Variants in LRRC4C observed in about 807,000 individuals in gnomAD.
LRRC4C encodes the protein leucine rich repeat containing 4C.
LRRC4C carries 5 observed loss-of-function variants against 33.6 expected under a neutral mutation model. The ratio of observed to expected loss-of-function variants is 0.15; its 90% CI spans 0.08 to 0.31. The LOEUF is 0.31. LRRC4C is among the 10% of genes least tolerant of loss of function. The probability of loss-of-function intolerance (pLI) is 1.00; values close to 1 mark genes in which losing one functional copy is unlikely to be tolerated. For missense variants in LRRC4C, 560 were observed against 796.7 expected, an observed-to-expected ratio of 0.70 and a Z score of 3.58; for synonymous variants, 329 against 302.0, an observed-to-expected ratio of 1.09 and a Z score of -0.93.
At chr11:41,092,094 G>T (rs986138530) in intron 1 of LRRC4C, among the ~76,000 whole-genome samples, 1 of 152,020 alleles carries the variant, frequency 6.6e-6, no homozygotes, top group African/African-American at 2.4e-5. Flanking sequence ...CAATAAAAAC[G>T]TATTATTTGG....
intron 3 of LRRC4C, among the ~76,000 whole-genome samples, chr11:40,502,100 C>T (rs1453152714): frequency 1.3e-5 from 2 of 152,134 alleles, no homozygotes; most frequent in Non-Finnish European, 2.9e-5. Context: ...CAAGAGTCAC[C>T]TTTGCTCTAG....
intron 2 of LRRC4C, among the ~76,000 whole-genome samples, chr11:40,848,097 A>T (rs770961030): frequency 4.6e-5 from 7 of 151,258 alleles, no homozygotes; most frequent in Admixed American, 6.6e-5. Flanking sequence ...TTTTTTTTAA[A>T]AAAAGCCCCT....
intron 1 of LRRC4C, among the ~76,000 whole-genome samples, chr11:40,966,431 G>A (rs1592211114): frequency 6.6e-6 from 1 of 151,890 alleles, no homozygotes; most frequent in Non-Finnish European, 1.5e-5. Flanking sequence ...AGCTGACCAA[G>A]GCACCTATCT....
At chr11:41,373,558 T>C (rs1952829972) in intron 1 of LRRC4C, among the ~76,000 whole-genome samples, 3 of 152,182 alleles carry the variant, frequency 2.0e-5, no homozygotes, top group Non-Finnish European at 4.4e-5. Context: ...TTTGACAGGA[T>C]TGCTTCTGCA....
At chr11:40,352,542 C>T (rs932588830) in intron 3 of LRRC4C, among the ~76,000 whole-genome samples, 5 of 151,986 alleles carry the variant, frequency 3.3e-5, no homozygotes, top group African/African-American at 9.6e-5. Context: ...TCTTCTTATA[C>T]TATGTCTTGA....
chr11:41,336,150 C>A (rs1345039428), intron 1 of LRRC4C, among the ~76,000 whole-genome samples: 1 of 151,816 alleles, frequency 6.6e-6, no homozygotes, highest in Non-Finnish European at 1.5e-5. Context: ...AAATCCAACA[C>A]ATAAAACTCA....
At chr11:41,257,206 A>C (rs187498375) in intron 1 of LRRC4C, among the ~76,000 whole-genome samples, 131 of 152,162 alleles carry the variant, frequency 8.6e-4, no homozygotes, top group African/African-American at 3.1e-3. Flanking sequence ...ATCAGAGAAC[A>C]AAATAGTGTA....
At chr11:40,418,975 C>T (rs914067054) in intron 3 of LRRC4C, among the ~76,000 whole-genome samples, 3 of 151,858 alleles carry the variant, frequency 2.0e-5, no homozygotes, top group Admixed American at 6.6e-5. Flanking sequence ...GCCTGGTGGT[C>T]GGGGGATAGG....
At chr11:40,218,568 G>C (rs1370492821) in intron 5 of LRRC4C, among the ~76,000 whole-genome samples, 4 of 151,170 alleles carry the variant, frequency 2.6e-5, no homozygotes, top group Non-Finnish European at 5.9e-5. Context: ...TGAAACTTGA[G>C]ATGAAGAATC....
At chr11:41,191,189 A>C (rs1945928944) in intron 1 of LRRC4C, among the ~76,000 whole-genome samples, 1 of 152,064 alleles carries the variant, frequency 6.6e-6, no homozygotes, top group Non-Finnish European at 1.5e-5. Context: ...TTCTATTTTG[A>C]ATTAGGGCAG....
intron 3 of LRRC4C, among the ~76,000 whole-genome samples, chr11:40,550,030 T>C (rs1332320817): frequency 6.6e-6 from 1 of 152,110 alleles, no homozygotes; most frequent in African/African-American, 2.4e-5. Flanking sequence ...TAATATCATC[T>C]TCACCTCATG....
intron 1 of LRRC4C, among the ~76,000 whole-genome samples, chr11:41,233,424 A>C (rs1947886169): frequency 6.6e-6 from 1 of 152,058 alleles, no homozygotes; most frequent in East Asian, 1.9e-4. Context: ...GATTTTAGTC[A>C]TAAAAACTCT....
chr11:40,338,554 A>G (rs1946731574), intron 3 of LRRC4C, among the ~76,000 whole-genome samples: 1 of 152,226 alleles, frequency 6.6e-6, no homozygotes, highest in Non-Finnish European at 1.5e-5. Flanking sequence ...GCAGCAATCT[A>G]TATCACCAAA....
Position 40,610,864 on chromosome 11 carries a change from G to T in LRRC4C, c.-270+37278C>A, listed in dbSNP as rs1961145503. On this transcript the variant is annotated intron_variant, in intron 3 of 6. Coordinates refer to ENST00000528697, the MANE Select transcript of LRRC4C (RefSeq NM_001258419.2). ...GAAATATATAAAATATTACTGAAAGGAATTAAAGAAGACATAAATAAATGG... is the reference window on the plus strand; with the variant it reads ...GAAATATATAAAATATTACTGAAAGTAATTAAAGAAGACATAAATAAATGG... Among the ~76,000 whole-genome samples, 4 of 151,588 alleles carry T rather than the reference G, an allele frequency of 2.6e-5. No individual in the cohort carries two copies. The South Asian group carries it at 8.3e-4, about 31-fold the overall frequency.
chr11:40,734,399 C>A (rs1033916988), intron 2 of LRRC4C, among the ~76,000 whole-genome samples: 1 of 152,158 alleles, frequency 6.6e-6, no homozygotes, highest in African/African-American at 2.4e-5. Flanking sequence ...CCCTCCTGCT[C>A]ACCTTCCCTA....
chr11:41,313,157 AG>A (rs1439861870), intron 1 of LRRC4C, among the ~76,000 whole-genome samples: 11 of 152,310 alleles, frequency 7.2e-5, no homozygotes, highest in Admixed American at 3.9e-4. Flanking sequence ...GGCCAGTTCC[AG>A]GGTTGGTTAA....
chr11:41,212,489 A>G (rs940828299), intron 1 of LRRC4C, among the ~76,000 whole-genome samples: 12 of 152,220 alleles, frequency 7.9e-5, no homozygotes, highest in African/African-American at 2.7e-4. Flanking sequence ...GTGCCATGGC[A>G]TGTGCCATGG....
intron 1 of LRRC4C, among the ~76,000 whole-genome samples, chr11:40,972,565 T>G (rs764853407): frequency 6.6e-6 from 1 of 152,050 alleles, no homozygotes; most frequent in Non-Finnish European, 1.5e-5. Context: ...ATAAAGGAAA[T>G]AGGTTTAATT....
intron 1 of LRRC4C, among the ~76,000 whole-genome samples, chr11:41,209,517 C>T (rs1439246300): frequency 2.6e-5 from 4 of 151,562 alleles, no homozygotes; most frequent in Non-Finnish European, 4.4e-5. Flanking sequence ...ATTAGCTGGG[C>T]GCCTGTAATC....
Sources: gnomAD v4.1 joint callset for allele counts (sites outside exome capture counted in the v4.1 genomes callset) on GRCh38, gnomAD v4.1.1 for gene constraint, MANE v1.5 for transcripts, NCBI Gene and HGNC (gene_info 2026-07-23, HGNC 2026-07-21) for gene names.